Variants in ROBO1 observed in about 807,000 individuals in gnomAD.
The protein encoded by ROBO1 is roundabout guidance receptor 1.
In ROBO1, 149 loss-of-function variants were observed where a neutral mutation model predicts 195.9. The observed-to-expected ratio is 0.76, with a 90% CI of 0.67 to 0.87. The LOEUF (loss-of-function observed/expected upper bound fraction) is 0.87. ROBO1 is among the 40% of genes least tolerant of loss of function. ROBO1 has a pLI of 0.00. For missense variants in ROBO1, 1,933 were observed against 2,068.3 expected, an observed-to-expected ratio of 0.93 and a Z score of 1.27; for synonymous variants, 816 against 733.2, an observed-to-expected ratio of 1.11 and a Z score of -1.82.
chr3:79,187,284 G>T (rs1010441801), intron 2 of ROBO1, among the ~76,000 whole-genome samples: 6 of 152,000 alleles, frequency 3.9e-5, no homozygotes, highest in African/African-American at 1.4e-4. Flanking sequence ...ATCTGGAAGA[G>T]ATACCAAATA....
chr3:78,739,564 T>C (rs975959630), intron 5 of ROBO1, among the ~76,000 whole-genome samples: 4 of 152,166 alleles, frequency 2.6e-5, no homozygotes, highest in African/African-American at 9.7e-5. Flanking sequence ...ATTGTTTTCT[T>C]TAGATAACCT....
intron 2 of ROBO1, among the ~76,000 whole-genome samples, chr3:79,486,636 G>T (rs1312025460): frequency 1.3e-5 from 2 of 152,018 alleles, no homozygotes; most frequent in Non-Finnish European, 2.9e-5. Context: ...GCTAATATTG[G>T]GTTGCCCAGC....
chr3:78,767,264 G>A (rs374758972), intron 4 of ROBO1, among the ~76,000 whole-genome samples: 13 of 133,216 alleles, frequency 9.8e-5, no homozygotes, highest in Non-Finnish European at 4.8e-5. Context: ...TTTTTTTTTT[G>A]TCGGTAATTT....
chr3:79,080,107 T>C (rs1168509005), intron 3 of ROBO1, among the ~76,000 whole-genome samples: 4 of 151,846 alleles, frequency 2.6e-5, no homozygotes. Context: ...ACAGGGTTGA[T>C]ACTAAGTACA....
At chr3:79,484,753 A>ATATTTTTTTTTT (rs1402757273) in intron 2 of ROBO1, among the ~76,000 whole-genome samples, 3 of 17,698 alleles carry the variant, frequency 1.7e-4, no homozygotes, top group East Asian at 1.1e-3. Context: ...TCATTGCACT[A>ATATTTTTTTTTT]TCTTTTTTTT....
At chr3:79,100,884 C>T (rs1472834444) in intron 3 of ROBO1, among the ~76,000 whole-genome samples, 1 of 151,742 alleles carries the variant, frequency 6.6e-6, no homozygotes, top group Non-Finnish European at 1.5e-5. Context: ...CTGTTTTGTT[C>T]TTTAACAGAA....
At chr3:78,717,178 G>GA in intron 7 of ROBO1, 97 bp downstream of exon 7, 1 of 1,301,950 alleles carries the variant, frequency 7.7e-7, no homozygotes, top group Non-Finnish European at 1.0e-6. Context: ...GAGGATTCTA[G>GA]AATGGACTAT....
At chr3:79,026,970 T>C (rs1363769156) in intron 3 of ROBO1, among the ~76,000 whole-genome samples, 2 of 152,102 alleles carry the variant, frequency 1.3e-5, no homozygotes, top group Non-Finnish European at 2.9e-5. Context: ...GGGATTTATG[T>C]CTTATTTAGT....
intron 5 of ROBO1, among the ~76,000 whole-genome samples, chr3:78,734,381 T>G: frequency 8.0e-6 from 1 of 125,276 alleles, no homozygotes; most frequent in South Asian, 2.8e-4. Flanking sequence ...GGCAACATGG[T>G]GAGACCCCAC....
rs141675001 is a variant in ROBO1 at position 78,846,286 on chromosome 3, G to A, written c.499+92315C>T. ...ACAAAGGCTGTTCTTCTTGTCCAGA[G>A]GTATTCTTGGAGGTAAATGTCAAAT... On this transcript the variant is annotated intron_variant, in intron 4 of 30. Transcript: ENST00000464233. Among the ~76,000 whole-genome samples the A allele has an allele frequency of 4.9e-3, 739 of 152,104 alleles. 10 individuals carry two copies. The highest frequency in any genetic ancestry group is 0.017 in the African/African-American group (709 of 41,504).
At chr3:79,329,757 A>C (rs867899279) in intron 2 of ROBO1, among the ~76,000 whole-genome samples, 47 of 152,274 alleles carry the variant, frequency 3.1e-4, no homozygotes, top group African/African-American at 1.0e-3. Context: ...AATAATACAA[A>C]TTCTTTATTG....
chr3:79,147,746 A>G (rs1305810539), intron 2 of ROBO1, among the ~76,000 whole-genome samples: 1 of 152,016 alleles, frequency 6.6e-6, no homozygotes, highest in Non-Finnish European at 1.5e-5. Context: ...CATATACAGC[A>G]TTTAACCAAT....
intron 2 of ROBO1, among the ~76,000 whole-genome samples, chr3:79,125,846 G>C (rs191243749): frequency 6.6e-6 from 1 of 152,160 alleles, no homozygotes; most frequent in African/African-American, 2.4e-5. Flanking sequence ...CCGCCAGCAC[G>C]GACTGAGAGA....
chr3:79,559,508 G>T (rs575182476), intron 2 of ROBO1, among the ~76,000 whole-genome samples: 2 of 152,178 alleles, frequency 1.3e-5, no homozygotes, highest in East Asian at 1.9e-4. Flanking sequence ...TAACTCAGAG[G>T]TGGAAACACT....
In ROBO1 at chr3:78,916,453, G is replaced by C. The variant is rs143491156; in HGVS notation, c.499+22148C>G. Among the ~76,000 whole-genome samples, 429 of 150,362 alleles carry C rather than the reference G, an allele frequency of 2.9e-3. 6 individuals are homozygous for C. Among genetic ancestry groups the C allele is most frequent in the African/African-American group, 9.7e-3 (397 of 40,794 alleles). On this transcript the variant is annotated intron_variant, in intron 4 of 30. Coordinates refer to ENST00000464233, the MANE Select transcript of ROBO1 (RefSeq NM_002941.4). ...TGTACTCCCAGCTATTCAGGAGGCT[G>C]AGACAGGAGAATTGCTTGAACCTGG...
chr3:79,591,010 G>T (rs1483076116), intron 1 of ROBO1, among the ~76,000 whole-genome samples: 3 of 151,642 alleles, frequency 2.0e-5, no homozygotes, highest in African/African-American at 7.3e-5. Context: ...TTTAATAATA[G>T]ATTATACAAT....
intron 26 of ROBO1, 128 bp from the exon 27 acceptor site, chr3:78,618,169 A>C: frequency 1.0e-6 from 1 of 957,940 alleles, no homozygotes; most frequent in African/African-American, 1.7e-5. Context: ...TGTTCAGAAA[A>C]ACAACTGAAT....
At chr3:79,272,303 C>T (rs1033987066) in intron 2 of ROBO1, among the ~76,000 whole-genome samples, 5 of 151,964 alleles carry the variant, frequency 3.3e-5, no homozygotes, top group African/African-American at 1.2e-4. Flanking sequence ...AAAGATTAGG[C>T]ATAATATGCA....
chr3:79,500,103 C>A (rs1187776499), intron 2 of ROBO1, among the ~76,000 whole-genome samples: 2 of 144,676 alleles, frequency 1.4e-5, no homozygotes, highest in South Asian at 2.3e-4. Context: ...CCATCCCATG[C>A]GGCAGTAAGT....
Sources: gnomAD v4.1 joint callset for allele counts (sites outside exome capture counted in the v4.1 genomes callset) on GRCh38, gnomAD v4.1.1 for gene constraint, MANE v1.5 for transcripts, NCBI Gene and HGNC (gene_info 2026-07-23, HGNC 2026-07-21) for gene names.